RAP1GAP2: variants seen among roughly 807,000 people sequenced by gnomAD.
RAP1GAP2 encodes the protein RAP1 GTPase activating protein 2.
In RAP1GAP2, 27 loss-of-function variants were observed where a neutral mutation model predicts 95.0. That is an observed-to-expected ratio of 0.28 (90% CI 0.21 to 0.39). The LOEUF is 0.39. RAP1GAP2 is among the 10% of genes least tolerant of loss of function. The pLI is 1.00. For missense variants in RAP1GAP2, 771 were observed against 970.0 expected, an observed-to-expected ratio of 0.79 and a Z score of 2.72; for synonymous variants, 373 against 380.9, an observed-to-expected ratio of 0.98 and a Z score of 0.24.
At chr17:2,880,097 T>A (rs559316613) in intron 2 of RAP1GAP2, among the ~76,000 whole-genome samples, 10 of 152,074 alleles carry the variant, frequency 6.6e-5, no homozygotes, top group Admixed American at 3.3e-4. Flanking sequence ...CAGGGTGCCG[T>A]GGTGGCAGAG....
At chr17:2,886,051 A>G (rs1597511050) in intron 2 of RAP1GAP2, among the ~76,000 whole-genome samples, 1 of 152,074 alleles carries the variant, frequency 6.6e-6, no homozygotes, top group East Asian at 1.9e-4. Flanking sequence ...CAGAAGGCAG[A>G]TGCGGCAGGG....
intron 2 of RAP1GAP2, among the ~76,000 whole-genome samples, chr17:2,833,645 T>G (rs375949802): frequency 2.3e-3 from 306 of 132,530 alleles, no homozygotes; most frequent in African/African-American, 7.8e-3. Flanking sequence ...AGCCGAGATC[T>G]CGCCACTGCA....
chr17:2,932,743 G>A (rs1309943889), intron 3 of RAP1GAP2, among the ~76,000 whole-genome samples: 1 of 148,864 alleles, frequency 6.7e-6, no homozygotes, highest in Non-Finnish European at 1.5e-5. Context: ...TTGAACCCGG[G>A]GGAGGCAGAG....
intron 3 of RAP1GAP2, among the ~76,000 whole-genome samples, chr17:2,936,618 G>T (rs1257342133): frequency 6.6e-6 from 1 of 152,082 alleles, no homozygotes; most frequent in Non-Finnish European, 1.5e-5. Context: ...CCCCAAAATG[G>T]ATGATCATGA....
upstream of RAP1GAP2, among the ~76,000 whole-genome samples, chr17:2,775,100 A>G (rs2068470423): frequency 6.7e-6 from 1 of 150,104 alleles, no homozygotes; most frequent in African/African-American, 2.5e-5. Flanking sequence ...CCAAAGCGCT[A>G]GGATTACAGG....
At chr17:3,032,064 C>A (rs925042737) in intron 23 of RAP1GAP2, among the ~76,000 whole-genome samples, 18 of 147,448 alleles carry the variant, frequency 1.2e-4, no homozygotes, top group African/African-American at 4.5e-4. Context: ...GTCCCGAATC[C>A]CTTCCTGAGC....
rs143774734 is a variant in RAP1GAP2, at chr17:3,005,161, G to A, written c.1201-208G>A. The stretch of plus-strand genomic sequence containing the variant: ...GCTTCTGGCCTCCAGGAATGCAGAT[G>A]AGAGGCTGCGGATGGCCCCACACCG... On this transcript the variant is annotated intron_variant, in intron 14 of 24. Transcript: ENST00000254695. The surrounding 1 kb of genome is among the most constrained non-coding windows in gnomAD (Gnocchi z 5.2). Among the ~76,000 whole-genome samples, 477 of 152,332 alleles carry A rather than the reference G, an allele frequency of 3.1e-3. 4 individuals are homozygous for A. The highest frequency in any genetic ancestry group is 0.011 in the African/African-American group (455 of 41,566).
intron 4 of RAP1GAP2, among the ~76,000 whole-genome samples, chr17:2,961,343 C>T (rs1457353527): frequency 1.3e-5 from 2 of 152,074 alleles, no homozygotes; most frequent in Non-Finnish European, 2.9e-5. Flanking sequence ...GGTGAAACCT[C>T]GTCTCTACTA....
Position 2,880,760 on chromosome 17 carries a change from AT to A in RAP1GAP2, c.81-24516del, listed in dbSNP as rs879286218. On this transcript the variant is annotated intron_variant, in intron 2 of 24. Transcript: ENST00000254695. The stretch of plus-strand genomic sequence containing the variant: ...TGACATGCTTGGGACCAGATTTCAT[AT>A]TTTTTTTGGATTTTGCTGTATTTCC... 1.7e-3 allele frequency among the ~76,000 whole-genome samples: 262 copies of A among 151,706 alleles called. 1 individual carries two copies. Among genetic ancestry groups the A allele is most frequent in the Non-Finnish European group, 3.3e-3 (223 of 67,904 alleles).
At chr17:2,832,795 G>T (rs1432844412) in intron 2 of RAP1GAP2, among the ~76,000 whole-genome samples, 2 of 151,800 alleles carry the variant, frequency 1.3e-5, no homozygotes, top group Non-Finnish European at 2.9e-5. Flanking sequence ...GGCCAACATG[G>T]TGAAACCCCA....
At chr17:2,802,071 C>T (rs1053124987) in intron 2 of RAP1GAP2, among the ~76,000 whole-genome samples, 13 of 152,256 alleles carry the variant, frequency 8.5e-5, no homozygotes, top group African/African-American at 1.2e-4. Flanking sequence ...AATATTCTCC[C>T]GGCACATGTG....
intron 2 of RAP1GAP2, among the ~76,000 whole-genome samples, chr17:2,809,838 T>C (rs985302943): frequency 5.3e-5 from 8 of 152,176 alleles, no homozygotes; most frequent in African/African-American, 1.9e-4. Flanking sequence ...GGAGAGGCTC[T>C]TGATGGACAG....
At chr17:2,838,005 TTTCTTTTTTCC>T (rs1342190284) in intron 2 of RAP1GAP2, among the ~76,000 whole-genome samples, 2 of 138,940 alleles carry the variant, frequency 1.4e-5, no homozygotes, top group Admixed American at 1.6e-4. Flanking sequence ...GTTCATGTTC[TTTCTTTTTTCC>T]TTTTTTTTTT....
intron 2 of RAP1GAP2, among the ~76,000 whole-genome samples, chr17:2,800,821 TTTTTTC>T (rs924682141): frequency 6.7e-6 from 1 of 149,462 alleles, no homozygotes; most frequent in African/African-American, 2.5e-5. Flanking sequence ...CATTATTCTT[TTTTTTC>T]TTTTTCTTTT....
intron 2 of RAP1GAP2, among the ~76,000 whole-genome samples, chr17:2,885,408 C>T (rs1274143840): frequency 6.6e-6 from 1 of 152,164 alleles, no homozygotes; most frequent in Non-Finnish European, 1.5e-5. Context: ...GCAACAGAGC[C>T]CCTGAGCACC....
chr17:2,864,265 GTGCTGAGGA>G (rs895471247), intron 2 of RAP1GAP2, among the ~76,000 whole-genome samples: 9 of 152,192 alleles, frequency 5.9e-5, no homozygotes, highest in African/African-American at 2.2e-4. Context: ...ACAGTCCTAG[GTGCTGAGGA>G]CGCAGCAGTG....
chr17:2,833,916 C>T (rs887501989), intron 2 of RAP1GAP2, among the ~76,000 whole-genome samples: 34 of 152,044 alleles, frequency 2.2e-4, no homozygotes, highest in Admixed American at 4.6e-4. Flanking sequence ...CATCCTGTCT[C>T]CTTGCTGTGG....
chr17:2,911,103 G>A (rs1278205078), intron 3 of RAP1GAP2, among the ~76,000 whole-genome samples: 1 of 152,136 alleles, frequency 6.6e-6, no homozygotes, highest in Non-Finnish European at 1.5e-5. Context: ...GCCTCTTGTG[G>A]CTCTCCCACT....
At chr17:2,894,772 G>A (rs926099102) in intron 2 of RAP1GAP2, among the ~76,000 whole-genome samples, 2 of 152,072 alleles carry the variant, frequency 1.3e-5, no homozygotes, top group Admixed American at 1.3e-4. Context: ...TCTTAATTTT[G>A]CTCCCGAAAT....
Sources: allele counts gnomAD v4.1 joint callset (sites outside exome capture counted in the v4.1 genomes callset), GRCh38; gene constraint gnomAD v4.1.1; non-coding constraint Gnocchi (gnomAD v3.1); transcripts MANE v1.5; gene names NCBI Gene and HGNC (gene_info 2026-07-23, HGNC 2026-07-21).